The following NKAIN2 variants were observed in gnomAD, a reference collection of about 807,000 sequenced individuals.
The protein encoded by NKAIN2 is sodium/potassium transporting ATPase interacting 2, also known as sodium/potassium-transporting ATPase subunit beta-1-interacting protein 2.
Under a neutral mutation model 32.6 loss-of-function variants are expected in NKAIN2, and 14 were observed. The ratio of observed to expected loss-of-function variants is 0.43; its 90% CI spans 0.28 to 0.67. The LOEUF is 0.67. NKAIN2 is among the 30% of genes least tolerant of loss of function. The pLI is 0.17. For missense variants in NKAIN2, 198 were observed against 258.3 expected, an observed-to-expected ratio of 0.77 and a Z score of 1.60; for synonymous variants, 80 against 87.2, an observed-to-expected ratio of 0.92 and a Z score of 0.46.
intron 3 of NKAIN2, among the ~76,000 whole-genome samples, chr6:124,466,449 T>G (rs73772131): frequency 0.015 from 2,224 of 152,204 alleles, 49 homozygotes; most frequent in African/African-American, 0.051. Context: ...TGGCCTCATT[T>G]CAGCTTAATT....
At chr6:124,353,663 G>A (rs1798833534) in intron 2 of NKAIN2, among the ~76,000 whole-genome samples, 1 of 152,066 alleles carries the variant, frequency 6.6e-6, no homozygotes, top group South Asian at 2.1e-4. Flanking sequence ...GCTGAGGCAG[G>A]AGAATGGCTT....
chr6:124,478,363 A>G lies in NKAIN2; in HGVS notation c.273+123016A>G, dbSNP rs1426988938. 5.3e-5 allele frequency among the ~76,000 whole-genome samples: 8 copies of G among 152,232 alleles called. No homozygotes were observed. The East Asian group carries it at 1.2e-3, about 22-fold the overall frequency. On this transcript the variant is annotated intron_variant, in intron 3 of 6. Transcript: ENST00000368417. ...TGCAGACCTTTCTCTCTCTAATGCCATTCTCAAATAAAAGGAGCCAGGGCT... is the reference window on the plus strand; with the variant it reads ...TGCAGACCTTTCTCTCTCTAATGCCGTTCTCAAATAAAAGGAGCCAGGGCT...
At chr6:124,377,623 A>G (rs1020370805) in intron 3 of NKAIN2, among the ~76,000 whole-genome samples, 6 of 152,162 alleles carry the variant, frequency 3.9e-5, no homozygotes, top group Non-Finnish European at 5.9e-5. Context: ...GAGCAAGAGA[A>G]AGAGGAAGAG....
At chr6:123,831,118 A>G (rs552353001) in intron 1 of NKAIN2, among the ~76,000 whole-genome samples, 2 of 152,242 alleles carry the variant, frequency 1.3e-5, no homozygotes, top group South Asian at 4.1e-4. Context: ...TCCATGCTTG[A>G]AACTTTCTTT....
At chr6:123,909,063 C>G (rs1775030482) in intron 1 of NKAIN2, among the ~76,000 whole-genome samples, 1 of 152,116 alleles carries the variant, frequency 6.6e-6, no homozygotes, top group Admixed American at 6.6e-5. Flanking sequence ...TACAGATGTC[C>G]TATGAATATA....
chr6:124,666,701 G>T (rs1772813528), intron 4 of NKAIN2, among the ~76,000 whole-genome samples: 1 of 152,098 alleles, frequency 6.6e-6, no homozygotes, highest in African/African-American at 2.4e-5. Context: ...TGTGAGCAAA[G>T]TGCAAGAACT....
At chr6:124,723,311 G>A (rs973929389) in intron 4 of NKAIN2, among the ~76,000 whole-genome samples, 5 of 152,132 alleles carry the variant, frequency 3.3e-5, no homozygotes, top group East Asian at 3.8e-4. Flanking sequence ...GGTGCTGAAC[G>A]TTACCATTAT....
At chr6:124,519,170 G>A (rs1779032530) in intron 3 of NKAIN2, among the ~76,000 whole-genome samples, 1 of 152,144 alleles carries the variant, frequency 6.6e-6, no homozygotes, top group Non-Finnish European at 1.5e-5. Context: ...TTCAAAATTA[G>A]CTCAAGATGG....
chr6:124,019,233 A>G (rs1279933590), intron 1 of NKAIN2, among the ~76,000 whole-genome samples: 2 of 152,202 alleles, frequency 1.3e-5, no homozygotes, highest in Non-Finnish European at 2.9e-5. Context: ...TTGGGTGGGG[A>G]CGAAACCAAA....
chr6:124,091,475 CTG>C (rs972358316), intron 1 of NKAIN2, among the ~76,000 whole-genome samples: 1 of 151,852 alleles, frequency 6.6e-6, no homozygotes, highest in Non-Finnish European at 1.5e-5. Flanking sequence ...AATAAGAAAA[CTG>C]AATTTCATAC....
chr6:124,658,543 T>A (rs1479039), intron 4 of NKAIN2, 157 bp downstream of exon 4: 1 of 1,474,690 alleles, frequency 6.8e-7, no homozygotes, highest in Non-Finnish European at 9.0e-7. Flanking sequence ...CAGGTTAAAC[T>A]AAACCATCCT....
chr6:124,024,078 G>T (rs2114767676), intron 1 of NKAIN2, among the ~76,000 whole-genome samples: 1 of 152,088 alleles, frequency 6.6e-6, no homozygotes, highest in South Asian at 2.1e-4. Flanking sequence ...GGGAAAGATG[G>T]TTTGTTAGTT....
chr6:123,971,911 A>C (rs1191999051), intron 1 of NKAIN2, among the ~76,000 whole-genome samples: 1 of 152,168 alleles, frequency 6.6e-6, no homozygotes, highest in African/African-American at 2.4e-5. Context: ...AGTAAAATAC[A>C]ATTGGCCTTT....
At chr6:124,163,078 A>G (rs113964180) in intron 1 of NKAIN2, among the ~76,000 whole-genome samples, 11 of 152,058 alleles carry the variant, frequency 7.2e-5, no homozygotes, top group African/African-American at 2.4e-4. Flanking sequence ...TTTCATCTTC[A>G]TACTGTGAAT....
chr6:124,176,758 T>A (rs1789177308), intron 1 of NKAIN2, among the ~76,000 whole-genome samples: 1 of 152,174 alleles, frequency 6.6e-6, no homozygotes, highest in African/African-American at 2.4e-5. Context: ...GATATTGCAT[T>A]ACTAATTTAA....
intron 2 of NKAIN2, among the ~76,000 whole-genome samples, chr6:124,284,456 T>G (rs773109117): frequency 1.3e-5 from 2 of 152,156 alleles, no homozygotes; most frequent in East Asian, 1.9e-4. Context: ...TCATAATGAT[T>G]TAATTAATTG....
intron 4 of NKAIN2, among the ~76,000 whole-genome samples, chr6:124,692,095 T>C (rs1244859999): frequency 6.6e-6 from 1 of 152,210 alleles, no homozygotes; most frequent in Non-Finnish European, 1.5e-5. Flanking sequence ...TATTATAAAA[T>C]GTATTACTAC....
At chr6:124,425,712 G>A (rs1774954206) in intron 3 of NKAIN2, among the ~76,000 whole-genome samples, 1 of 152,076 alleles carries the variant, frequency 6.6e-6, no homozygotes, top group Non-Finnish European at 1.5e-5. Context: ...AGTGTTCAAG[G>A]TCATTCATCA....
At chr6:124,541,073 A>T (rs2114844341) in intron 3 of NKAIN2, among the ~76,000 whole-genome samples, 1 of 152,328 alleles carries the variant, frequency 6.6e-6, no homozygotes, top group South Asian at 2.1e-4. Flanking sequence ...TTTAGTACTC[A>T]GTAAATGTTA....
Sources: gnomAD v4.1 joint callset for allele counts (sites outside exome capture counted in the v4.1 genomes callset) on GRCh38, gnomAD v4.1.1 for gene constraint, MANE v1.5 for transcripts, NCBI Gene and HGNC (gene_info 2026-07-23, HGNC 2026-07-21) for gene names.